PHEX: variants seen among roughly 807,000 people sequenced by gnomAD.
PHEX encodes phosphate regulating endopeptidase X-linked.
In PHEX, 16 loss-of-function variants were observed where a neutral mutation model predicts 68.0. The observed-to-expected ratio is 0.24, with a 90% CI of 0.16 to 0.36. PHEX has a LOEUF of 0.36. PHEX is among the 10% of genes least tolerant of loss of function. The pLI is 1.00. For missense variants in PHEX, 480 were observed against 575.5 expected, an observed-to-expected ratio of 0.83 and a Z score of 1.70; for synonymous variants, 208 against 205.1, an observed-to-expected ratio of 1.01 and a Z score of -0.12.
intron 3 of PHEX, among the ~76,000 whole-genome samples, chrX:22,056,782 A>AATAATG (rs386416727): frequency 1.4e-4 from 15 of 104,852 alleles, no homozygotes; most frequent in Non-Finnish European, 1.9e-5. Flanking sequence ...TAATAATAAT[A>AATAATG]ATAATAATAA....
At chrX:22,094,713 T>C (rs1930057868) in intron 7 of PHEX, among the ~76,000 whole-genome samples, 1 of 112,398 alleles carries the variant, frequency 8.9e-6, no homozygotes, top group African/African-American at 3.2e-5. Flanking sequence ...CATTGTGTCA[T>C]ATACATGACA....
chrX:22,045,918 A>C (rs995816998), intron 2 of PHEX, among the ~76,000 whole-genome samples: 1 of 112,658 alleles, frequency 8.9e-6, no homozygotes, highest in Admixed American at 9.4e-5. Flanking sequence ...TGTAAATATA[A>C]CTTTTAAATA....
intron 2 of PHEX, among the ~76,000 whole-genome samples, chrX:22,041,261 CTCTCTATATA>C (rs1422036870): frequency 1.4e-4 from 9 of 65,501 alleles, no homozygotes; most frequent in Non-Finnish European, 1.9e-4. Flanking sequence ...CTCTCTCTCT[CTCTCTATATA>C]TATATATATA....
intron 20 of PHEX, among the ~76,000 whole-genome samples, chrX:22,234,382 C>A (rs1390826956): frequency 8.9e-6 from 1 of 112,143 alleles, no homozygotes. Context: ...GCCCCTTCCC[C>A]CAAGTGCTCT....
chrX:22,177,559 C>T (rs1291134291), intron 13 of PHEX, among the ~76,000 whole-genome samples: 1 of 111,672 alleles, frequency 9.0e-6, no homozygotes, highest in Non-Finnish European at 1.9e-5. Flanking sequence ...ACTAAAAAAG[C>T]AATTATGTCT....
Position 22,185,481 on chromosome X carries a change from G to T in PHEX, c.1587-4963G>T, listed in dbSNP as rs1219191468. Among the ~76,000 whole-genome samples the T allele has an allele frequency of 2.7e-5, 3 of 111,730 alleles. No individual in the cohort carries two copies. In the South Asian group the frequency reaches 1.1e-3, roughly 42 times the overall value. ...GGTGTAAACAACAGGGAGTGGTAGG[G>T]ACTGTAGAAAACTAGTAATTACACA... On this transcript the variant is annotated intron_variant, in intron 14 of 21. Transcript: ENST00000379374.
chrX:22,183,589 T>C (rs1039677567), intron 14 of PHEX, among the ~76,000 whole-genome samples: 1 of 111,989 alleles, frequency 8.9e-6, no homozygotes, highest in African/African-American at 3.2e-5. Context: ...TTAAATCCAA[T>C]ACTCAAATCT....
At chrX:22,206,374 T>C (rs1412194963) in intron 15 of PHEX, among the ~76,000 whole-genome samples, 1 of 112,062 alleles carries the variant, frequency 8.9e-6, no homozygotes, top group Non-Finnish European at 1.9e-5. Context: ...CAAGTATTTA[T>C]TGAGTGCTTA....
rs1362099869 is a variant in PHEX at position 22,059,935 on chromosome X, A to G, written c.349+12724A>G. On this transcript the variant is annotated intron_variant, in intron 3 of 21. Coordinates refer to ENST00000379374, the MANE Select transcript of PHEX (RefSeq NM_000444.6). ...TCTTTATGATTGTCTATGCCTTGGAACCTGTATATTTTCAGGTGAAATTAC... is the reference window on the plus strand; with the variant it reads ...TCTTTATGATTGTCTATGCCTTGGAGCCTGTATATTTTCAGGTGAAATTAC... Among the ~76,000 whole-genome samples, 13 of 111,378 alleles carry G rather than the reference A, an allele frequency of 1.2e-4. No homozygotes were observed. In the Admixed American group the frequency reaches 1.2e-3, roughly 11 times the overall value.
intron 2 of PHEX, among the ~76,000 whole-genome samples, chrX:22,041,275 A>C (rs368089410): frequency 0.28 from 17,730 of 62,715 alleles, 2,239 homozygotes; most frequent in Non-Finnish European, 0.31. Flanking sequence ...CTATATATAT[A>C]TATATATATA....
chrX:22,156,376 G>A (rs1056716415), intron 12 of PHEX, among the ~76,000 whole-genome samples: 1 of 109,830 alleles, frequency 9.1e-6, no homozygotes, highest in African/African-American at 3.3e-5. Context: ...TTAAAAGGGG[G>A]ATTTACGACA....
chrX:22,114,198 C>T (rs773713305), intron 10 of PHEX, among the ~76,000 whole-genome samples: 2 of 110,350 alleles, frequency 1.8e-5, no homozygotes, highest in East Asian at 5.7e-4. Flanking sequence ...GATCTGCTCA[C>T]CTGGGCTTCT....
At chrX:22,175,699 C>G (rs1333716738) in intron 13 of PHEX, among the ~76,000 whole-genome samples, 5 of 110,259 alleles carry the variant, frequency 4.5e-5, no homozygotes, top group Non-Finnish European at 9.5e-5. Flanking sequence ...GTAGACCAAC[C>G]TGAATATCAA....
chrX:22,117,972 G>A lies in PHEX; in HGVS notation c.1302+3386G>A, dbSNP rs776044671. 5.4e-4 allele frequency among the ~76,000 whole-genome samples: 60 copies of A among 110,200 alleles called. 1 individual carries two copies. The highest frequency in any genetic ancestry group is 9.1e-4 in the Non-Finnish European group (48 of 52,852). ...ACTTGAAAAACATTCAGTATTATTAGCTACAGTCTAAAGAAAAAGAAAAAC... is the reference window on the plus strand; with the variant it reads ...ACTTGAAAAACATTCAGTATTATTAACTACAGTCTAAAGAAAAAGAAAAAC... On this transcript the variant is annotated intron_variant, in intron 11 of 21. Coordinates refer to ENST00000379374, the MANE Select transcript of PHEX (RefSeq NM_000444.6).
intron 20 of PHEX, among the ~76,000 whole-genome samples, chrX:22,241,448 G>C (rs934856954): frequency 9.0e-6 from 1 of 111,613 alleles, no homozygotes; most frequent in African/African-American, 3.3e-5. Context: ...GAAGGAGATA[G>C]AGACATGAAA....
intron 11 of PHEX, among the ~76,000 whole-genome samples, chrX:22,114,939 C>A (rs1480590903): frequency 9.0e-6 from 1 of 111,654 alleles, no homozygotes. Context: ...GCAACGTGTT[C>A]TTCTCCATCT....
chrX:22,076,651 T>C (rs910948366), intron 4 of PHEX, among the ~76,000 whole-genome samples, 177 bp downstream of exon 4: 5 of 112,650 alleles, frequency 4.4e-5, no homozygotes, highest in African/African-American at 1.6e-4. Context: ...TCTTAGTTAA[T>C]GTTGTTACTG....
At position 22,226,381 on chromosome X, in the gene PHEX, G is replaced by T. The variant is rs1252050576; in HGVS notation, c.1900-62G>T. 5 of 805,000 alleles carry T rather than the reference G, an allele frequency of 6.2e-6. No individual in the cohort carries two copies. In the African/African-American group the frequency reaches 8.2e-5, roughly 13 times the overall value. 66.3% of individuals were successfully genotyped at this position (805,000 alleles called of 1,213,427 possible). ...TGCTATAATATTGATGCCTCTTGCT[G>T]AATGATAGTTGACCGTGAAACACGC... On this transcript the variant is annotated intron_variant, in intron 18 of 21. Transcript: ENST00000379374.
intron 20 of PHEX, among the ~76,000 whole-genome samples, chrX:22,233,635 C>A (rs1014163052): frequency 9.0e-6 from 1 of 110,976 alleles, no homozygotes; most frequent in African/African-American, 3.3e-5. Context: ...TCACAAAGTT[C>A]TCATGCTGTG....
Sources: allele counts gnomAD v4.1 joint callset (sites outside exome capture counted in the v4.1 genomes callset), GRCh38; gene constraint gnomAD v4.1.1; transcripts MANE v1.5; gene names NCBI Gene and HGNC (gene_info 2026-07-23, HGNC 2026-07-21).